PRKD1: variants seen among roughly 807,000 people sequenced by gnomAD.
PRKD1 encodes serine/threonine-protein kinase D1.
A neutral mutation model predicts 95.9 loss-of-function variants in PRKD1; 63 were observed. The observed-to-expected ratio is 0.66, with a 90% CI of 0.54 to 0.81. The LOEUF (loss-of-function observed/expected upper bound fraction) is 0.81, where lower values mean the gene tolerates loss of function less well. Ranked by LOEUF, PRKD1 falls within the 30% of genes least tolerant of loss-of-function variation. The pLI, the probability that PRKD1 is intolerant of heterozygous loss-of-function variation, is 0.00. For missense variants in PRKD1, 1,048 were observed against 1,165.3 expected (o/e 0.90, Z 1.47); for synonymous variants, 425 against 423.1 (o/e 1.00, Z -0.05).
intron 1 of PRKD1, among the ~76,000 whole-genome samples, chr14:29,836,445 G>C (rs998002118): frequency 6.6e-6 from 1 of 152,156 alleles, no homozygotes; most frequent in Non-Finnish European, 1.5e-5. Flanking sequence ...ATTTAGTCAC[G>C]TTGTAGGTGG....
At chr14:29,907,877 T>C (rs1048730763) in intron 1 of PRKD1, among the ~76,000 whole-genome samples, 2 of 152,196 alleles carry the variant, frequency 1.3e-5, no homozygotes, top group Admixed American at 1.3e-4. Context: ...TATAGAGATG[T>C]ATATTTTCCA....
chr14:29,755,885 T>C (rs1361015458), intron 1 of PRKD1, among the ~76,000 whole-genome samples: 1 of 152,174 alleles, frequency 6.6e-6, no homozygotes, highest in Non-Finnish European at 1.5e-5. Context: ...GCTTTCTCTT[T>C]AGTTCTCTGC....
At chr14:29,819,102 C>T (rs1212088104) in intron 1 of PRKD1, among the ~76,000 whole-genome samples, 1 of 152,022 alleles carries the variant, frequency 6.6e-6, no homozygotes, top group African/African-American at 2.4e-5. Flanking sequence ...GAGACAACAA[C>T]AAAATGCAGT....
chr14:29,612,784 G>A (rs72675586), intron 13 of PRKD1, among the ~76,000 whole-genome samples: 3,372 of 152,190 alleles, frequency 0.022, 56 homozygotes, highest in South Asian at 0.074. Context: ...AACATGTCTT[G>A]CCTATAGAAA....
At chr14:29,805,122 G>C (rs1034546899) in intron 1 of PRKD1, among the ~76,000 whole-genome samples, 1 of 152,074 alleles carries the variant, frequency 6.6e-6, no homozygotes, top group African/African-American at 2.4e-5. Context: ...TCATACAGTT[G>C]GTCTGCAGTG....
chr14:29,777,513 A>C (rs1888822240), intron 1 of PRKD1, among the ~76,000 whole-genome samples: 1 of 152,208 alleles, frequency 6.6e-6, no homozygotes, highest in Non-Finnish European at 1.5e-5. Flanking sequence ...GATAAAACAG[A>C]CTTTAAACCA....
At chr14:29,845,743 G>A (rs1892054390) in intron 1 of PRKD1, among the ~76,000 whole-genome samples, 1 of 152,104 alleles carries the variant, frequency 6.6e-6, no homozygotes, top group African/African-American at 2.4e-5. Flanking sequence ...AATGTTCATA[G>A]AATACTATAG....
At chr14:29,624,129 C>G in intron 13 of PRKD1, 23 bp downstream of exon 13, 1 of 1,540,070 alleles carries the variant, frequency 6.5e-7, no homozygotes, top group Non-Finnish European at 8.9e-7. Context: ...TACCCTTTCC[C>G]CAAATGAGAA....
chr14:29,664,241 C>T (rs1195021186), intron 3 of PRKD1, among the ~76,000 whole-genome samples: 2 of 152,142 alleles, frequency 1.3e-5, no homozygotes, highest in Non-Finnish European at 2.9e-5. Context: ...AAGTTTTAGA[C>T]AACACTAATT....
At chr14:29,599,891 A>G (rs986397105) in intron 13 of PRKD1, 74 bp from the exon 14 acceptor site, 2 of 1,394,876 alleles carry the variant, frequency 1.4e-6, no homozygotes, top group East Asian at 4.6e-5. Context: ...TGATTATACA[A>G]AACTGTTCAA....
At chr14:29,780,541 C>T (rs1410998940) in intron 1 of PRKD1, among the ~76,000 whole-genome samples, 6 of 152,166 alleles carry the variant, frequency 3.9e-5, no homozygotes, top group African/African-American at 2.4e-5. Flanking sequence ...TGAAAAAATG[C>T]TCATCATCAC....
intron 1 of PRKD1, among the ~76,000 whole-genome samples, chr14:29,784,123 G>C (rs1380602375): frequency 6.6e-6 from 1 of 152,022 alleles, no homozygotes; most frequent in African/African-American, 2.4e-5. Context: ...TAAGTCTTTA[G>C]TCCACTTTGA....
chr14:29,863,175 A>T (rs1226442522), intron 1 of PRKD1, among the ~76,000 whole-genome samples: 5 of 152,210 alleles, frequency 3.3e-5, no homozygotes. Flanking sequence ...TCAGTTTAGG[A>T]GTCAAAAATT....
chr14:29,801,934 C>T (rs373797090), intron 1 of PRKD1, among the ~76,000 whole-genome samples: 2,018 of 152,234 alleles, frequency 0.013, 45 homozygotes, highest in African/African-American at 0.042. Flanking sequence ...GTGATCCACC[C>T]GCCTCAGCCT....
chr14:29,864,733 A>C (rs1892827631), intron 1 of PRKD1, among the ~76,000 whole-genome samples: 1 of 152,146 alleles, frequency 6.6e-6, no homozygotes, highest in East Asian at 1.9e-4. Flanking sequence ...GAAGTAATAT[A>C]GTTAAAAATC....
At chr14:29,605,433 A>T (rs1893669713) in intron 13 of PRKD1, among the ~76,000 whole-genome samples, 1 of 151,486 alleles carries the variant, frequency 6.6e-6, no homozygotes, top group South Asian at 2.1e-4. Flanking sequence ...AACAAGCCAC[A>T]CTCTCTCCTT....
chr14:29,598,876 A>G, intron 15 of PRKD1, 151 bp downstream of exon 15: 2 of 686,044 alleles, frequency 2.9e-6, no homozygotes, highest in Non-Finnish European at 4.8e-6. Flanking sequence ...TAACAAGGCC[A>G]TAGTCCCAAA....
chr14:29,813,747 T>C (rs1890584480), intron 1 of PRKD1, among the ~76,000 whole-genome samples: 1 of 152,230 alleles, frequency 6.6e-6, no homozygotes, highest in Non-Finnish European at 1.5e-5. Context: ...ACCTGTTAAG[T>C]GAACACTGAC....
At chr14:29,923,679 A>G (rs1341562210) in intron 1 of PRKD1, among the ~76,000 whole-genome samples, 1 of 152,144 alleles carries the variant, frequency 6.6e-6, no homozygotes, top group African/African-American at 2.4e-5. Flanking sequence ...GGAGTCTTAT[A>G]AATGCTATTA....
Sources: gnomAD v4.1 joint callset for allele counts (sites outside exome capture counted in the v4.1 genomes callset) on GRCh38, gnomAD v4.1.1 for gene constraint, MANE v1.5 for transcripts, NCBI Gene and HGNC (gene_info 2026-07-23, HGNC 2026-07-21) for gene names.